RPGRIP1: variants seen among roughly 807,000 people sequenced by gnomAD.
RPGRIP1 encodes the protein X-linked retinitis pigmentosa GTPase regulator-interacting protein 1.
A neutral mutation model predicts 157.9 loss-of-function variants in RPGRIP1; 128 were observed. That is an observed-to-expected ratio of 0.81 (90% confidence interval 0.70 to 0.94). RPGRIP1 has a LOEUF of 0.94. Among genes scored for constraint, RPGRIP1 ranks in the 40% least tolerant of loss-of-function variants. RPGRIP1 has a pLI of 0.00. For synonymous variants in RPGRIP1, 554 were observed against 571.6 expected, an observed-to-expected ratio of 0.97 and a Z score of 0.44; for missense variants, 1,486 against 1,545.8, an observed-to-expected ratio of 0.96 and a Z score of 0.65.
intron 2 of RPGRIP1, among the ~76,000 whole-genome samples, chr14:21,292,242 T>C (rs796818782): frequency 3.3e-4 from 50 of 152,274 alleles, no homozygotes; most frequent in African/African-American, 1.1e-3. Flanking sequence ...GGTCATGTTA[T>C]AATTTTCTTC....
rs1396404319 is a variant in RPGRIP1, at chr14:21,330,376, A to G, written c.3227A>G (p.His1076Arg). 1 of 1,525,654 alleles carries G rather than the reference A, an allele frequency of 6.6e-7. No individual in the cohort carries two copies. Among genetic ancestry groups the G allele is most frequent in the Non-Finnish European group, 8.7e-7 (1 of 1,143,904 alleles). 94.5% of individuals were successfully genotyped at this position (1,525,654 alleles called of 1,614,324 possible). A position where few individuals can be genotyped will look rare whatever the true frequency, so the allele number is the denominator to read the frequency against. ...GCACTGAAACAGAAGGAACCTCTACATCCTGTAAATGGTATTGTCTTTTAA... is the reference window on the plus strand; with the variant it reads ...GCACTGAAACAGAAGGAACCTCTACGTCCTGTAAATGGTATTGTCTTTTAA... Reference protein sequence around the residue: ...HSALKQKEPLHPVNDKESSEQ... With the variant: ...HSALKQKEPLRPVNDKESSEQ... Residue 1076 changes from histidine (H) to arginine (R), a missense_variant, in exon 20 of 25, where the codon CAT becomes CGT. By Grantham distance (29) the His-to-Arg change is conservative. Coordinates refer to ENST00000400017, the MANE Select transcript of RPGRIP1 (RefSeq NM_020366.4).
chr14:21,331,936 ATTTT>A (rs397852575), intron 20 of RPGRIP1, among the ~76,000 whole-genome samples: 92 of 130,664 alleles, frequency 7.0e-4, no homozygotes, highest in African/African-American at 2.6e-3. Context: ...TATATATATA[ATTTT>A]TTTTTTTTTT....
At chr14:21,282,645 T>C (rs1275394025) in intron 1 of RPGRIP1, among the ~76,000 whole-genome samples, 1 of 142,108 alleles carries the variant, frequency 7.0e-6, no homozygotes, top group African/African-American at 2.7e-5. Context: ...AGTCTCGCTC[T>C]GTCTCCCAGG....
chr14:21,328,607 T>G lies in RPGRIP1; in HGVS notation c.3079T>G (p.Leu1027Val). ...NRMEYLSLNI[L>V]NGNTPEQVNY... is the part of the protein sequence containing the mutation. Reference sequence around the variant, plus strand: ...AATGGAGTATCTTAGCCTTAACATCTTAAATGGAAATACACCAGAGGTAAG... The same window carrying G: ...AATGGAGTATCTTAGCCTTAACATCGTAAATGGAAATACACCAGAGGTAAG... The change falls in exon 19 of 25, where the codon TTA becomes GTA. Residue 1027 changes from leucine to valine, a missense_variant. Coordinates refer to ENST00000400017, the MANE Select transcript of RPGRIP1 (RefSeq NM_020366.4). 1 of 1,613,080 alleles carries G rather than the reference T, an allele frequency of 6.2e-7. No individual in the cohort carries two copies. The highest frequency in any genetic ancestry group is 8.5e-7 in the Non-Finnish European group (1 of 1,179,170).
At chr14:21,300,453 A>G (rs1437195206) in intron 3 of RPGRIP1, among the ~76,000 whole-genome samples, 5 of 152,168 alleles carry the variant, frequency 3.3e-5, no homozygotes, top group Middle Eastern at 6.3e-3. Flanking sequence ...CAAAAAAACC[A>G]TGATTTTAGG....
rs111257495 is a variant in RPGRIP1, at chr14:21,348,874, T to G, written c.3748+572T>G. Among the ~76,000 whole-genome samples the G allele has an allele frequency of 1.2e-4, 18 of 152,114 alleles. 1 individual carries two copies. The highest frequency in any genetic ancestry group is 4.1e-4 in the African/African-American group (17 of 41,514). Reference sequence around the variant, plus strand: ...CCGTGTTTTACCATGTTGGCCAGACTGGTCTCGAACTCCTGACCTCAAGTG... The same window carrying G: ...CCGTGTTTTACCATGTTGGCCAGACGGGTCTCGAACTCCTGACCTCAAGTG... On this transcript the variant is annotated intron_variant, in intron 24 of 24. Transcript: ENST00000400017.
chr14:21,344,187 T>G (rs1885328760), intron 22 of RPGRIP1, among the ~76,000 whole-genome samples: 1 of 152,180 alleles, frequency 6.6e-6, no homozygotes, highest in South Asian at 2.1e-4. Context: ...TCTGTTATTA[T>G]GGATATGTAA....
chr14:21,336,936 G>A (rs1028993417), intron 21 of RPGRIP1, among the ~76,000 whole-genome samples: 1 of 152,296 alleles, frequency 6.6e-6, no homozygotes, highest in East Asian at 1.9e-4. Flanking sequence ...TGTTACTTGA[G>A]AAATTAAATA....
chr14:21,283,075 C>T (rs1046058888), intron 1 of RPGRIP1, among the ~76,000 whole-genome samples: 12 of 152,122 alleles, frequency 7.9e-5, no homozygotes, highest in Admixed American at 2.0e-4. Flanking sequence ...TCAATTGCTC[C>T]ATAGTGCCAT....
chr14:21,319,946 C>T, intron 11 of RPGRIP1, 71 bp from the exon 12 acceptor site: 1 of 1,388,654 alleles, frequency 7.2e-7, no homozygotes, highest in South Asian at 1.3e-5. Context: ...ATTAAATTCA[C>T]ACTTGATCCA....
chr14:21,330,158 C>T lies in RPGRIP1; in HGVS notation c.3100-91C>T, dbSNP rs547678383. 10 of 807,788 alleles carry T rather than the reference C, an allele frequency of 1.2e-5. No individual in the cohort carries two copies. In the East Asian group the frequency reaches 3.0e-4, roughly 24 times the overall value. The allele number at this position is 807,788 out of a possible 1,614,324, so 50.0% of individuals were successfully genotyped here. On this transcript the variant is annotated intron_variant, in intron 19 of 24. Coordinates refer to ENST00000400017, the MANE Select transcript of RPGRIP1 (RefSeq NM_020366.4). ...ATAAAAATTAAAAAAATAAAAAGAG[C>T]TAATATTTAAAAAGAAGGCAGGAAG... is the stretch of plus-strand genomic sequence containing the variant.
In RPGRIP1 at chr14:21,301,012, C is replaced by T; in HGVS notation, c.265C>T (p.Arg89Trp). 1 of 1,612,664 alleles carries T rather than the reference C, an allele frequency of 6.2e-7. No homozygotes were observed. The highest frequency in any genetic ancestry group is 1.1e-5 in the South Asian group (1 of 91,068). The change falls in exon 4 of 25, where the codon CGG becomes TGG. Residue 89 changes from arginine (R) to tryptophan (W), a missense_variant. By Grantham distance (101) the Arg-to-Trp change is moderately radical (BLOSUM62 -3). Transcript: ENST00000400017. ...LRLTAAGRDL[R>W]VAEEAAPLSE... ...GTTGACCGCTGCTGGCCGGGACCTG[C>T]GGGTCGCGGAGGAGGCGGCGCCGCT...
chr14:21,349,476 C>A (rs1170326343), intron 24 of RPGRIP1, among the ~76,000 whole-genome samples: 4 of 150,488 alleles, frequency 2.7e-5, no homozygotes, highest in African/African-American at 9.8e-5. Context: ...TCTCAGCTCA[C>A]CACAACCTCT....
Position 21,317,836 on chromosome 14 carries a change from T to C in RPGRIP1, c.1292T>C (p.Leu431Pro). Residue 431 changes from leucine to proline, a missense_variant, in exon 11 of 25, where the codon CTG (leucine) becomes CCG (proline). Coordinates refer to ENST00000400017, the MANE Select transcript of RPGRIP1 (RefSeq NM_020366.4). Reference sequence around the variant, plus strand: ...GACAAGAGAAAAGTTTTACTTGAGCTGTCCAGGGAGAAAGGTAGGCTGGAC... The same window carrying C: ...GACAAGAGAAAAGTTTTACTTGAGCCGTCCAGGGAGAAAGGTAGGCTGGAC... ...LEDKRKVLLE[L>P]SREKAQNEDL... 1 of 1,606,302 alleles carries C rather than the reference T, an allele frequency of 6.2e-7. No individual in the cohort carries two copies. Among genetic ancestry groups the C allele is most frequent in the African/African-American group, 1.3e-5 (1 of 74,962 alleles).
chr14:21,322,047 A>T (rs1470871457), intron 14 of RPGRIP1, 43 bp downstream of exon 14: 2 of 1,565,696 alleles, frequency 1.3e-6, no homozygotes, highest in African/African-American at 2.7e-5. Context: ...GGACCCTTCC[A>T]CAGCTAACGC....
intron 10 of RPGRIP1, among the ~76,000 whole-genome samples, chr14:21,313,968 G>C (rs1881655298): frequency 6.9e-6 from 1 of 144,500 alleles, no homozygotes; most frequent in Admixed American, 6.9e-5. Context: ...TTTCTCTTGA[G>C]ATGGGGTTTC....
At chr14:21,330,572 A>T (rs1883655135) in intron 20 of RPGRIP1, among the ~76,000 whole-genome samples, 185 bp downstream of exon 20, 1 of 152,048 alleles carries the variant, frequency 6.6e-6, no homozygotes, top group African/African-American at 2.4e-5. Flanking sequence ...CGGCGGAGGC[A>T]GGAGAATTGC....
chr14:21,315,344 A>G (rs1451822481), intron 10 of RPGRIP1, among the ~76,000 whole-genome samples: 1 of 151,582 alleles, frequency 6.6e-6, no homozygotes, highest in Non-Finnish European at 1.5e-5. Flanking sequence ...CGTCTCTACT[A>G]AAAATACAAA....
chr14:21,330,556 C>T (rs1479517829), intron 20 of RPGRIP1, among the ~76,000 whole-genome samples, 169 bp downstream of exon 20: 3 of 151,960 alleles, frequency 2.0e-5, no homozygotes, highest in Non-Finnish European at 2.9e-5. Flanking sequence ...ATCCCAGCTA[C>T]GTGGGCGGCG....
Sources: gnomAD v4.1 joint callset for allele counts (sites outside exome capture counted in the v4.1 genomes callset) on GRCh38, gnomAD v4.1.1 for gene constraint, MANE v1.5 for transcripts, NCBI Gene and HGNC (gene_info 2026-07-23, HGNC 2026-07-21) for gene names.